Variants in MTUS1 observed in about 807,000 individuals in gnomAD.
The protein encoded by MTUS1 is microtubule-associated tumor suppressor 1.
Under a neutral mutation model 120.8 loss-of-function variants are expected in MTUS1, and 109 were observed. That is an observed-to-expected ratio of 0.90 (90% CI 0.77 to 1.06). The LOEUF is 1.06. MTUS1 is among the 50% of genes least tolerant of loss of function. The pLI is 0.00. For missense variants in MTUS1, 2,210 were observed against 1,486.3 expected, an observed-to-expected ratio of 1.49 and a Z score of -8.01; for synonymous variants, 737 against 550.5, an observed-to-expected ratio of 1.34 and a Z score of -4.74.
At chr8:17,714,968 C>T (rs190733432) in intron 5 of MTUS1, among the ~76,000 whole-genome samples, 400 of 132,320 alleles carry the variant, frequency 3.0e-3, no homozygotes, top group African/African-American at 0.011. Flanking sequence ...TGCAGTGGCG[C>T]GATCTCGGCT....
At chr8:17,762,150 G>A (rs1259293667) in intron 1 of MTUS1, among the ~76,000 whole-genome samples, 1 of 152,062 alleles carries the variant, frequency 6.6e-6, no homozygotes, top group African/African-American at 2.4e-5. Context: ...ATGGTGGCAG[G>A]TGCCTGTAAT....
rs151176141 is a variant in MTUS1, at chr8:17,709,233, A to C, written c.2623+3981T>G. ...GAATACACCTGATGGGGCATCAAGGATATTTGTTATTCATGTTATTCATGA... is the reference window on the plus strand; with the variant it reads ...GAATACACCTGATGGGGCATCAAGGCTATTTGTTATTCATGTTATTCATGA... On this transcript the variant is annotated intron_variant, in intron 6 of 14. Coordinates refer to ENST00000693296, the MANE Select transcript of MTUS1 (RefSeq NM_001363059.2). Among the ~76,000 whole-genome samples, 1,003 of 152,096 alleles carry C rather than the reference A, an allele frequency of 6.6e-3. 8 individuals are homozygous for C. Among genetic ancestry groups the C allele is most frequent in the South Asian group, 0.026 (126 of 4,810 alleles).
At position 17,755,176 on chromosome 8, in the gene MTUS1, G is replaced by T. The variant is rs1171454478; in HGVS notation, c.632C>A (p.Ser211Tyr). 6.8e-6 allele frequency: 11 copies of T among 1,614,038 alleles called. No individual in the cohort carries two copies. The highest frequency in any genetic ancestry group is 9.3e-6 in the Non-Finnish European group (11 of 1,180,038). ...TCTTGCATGCGTCTTATCAGAATGG[G>T]AAGATGTCCAAGTGGAATAGGATAA... ...SSLSYSTWTS[S>Y]HSDKTHARET... Residue 211 changes from serine (S) to tyrosine (Y), a missense_variant, in exon 2 of 15, where the codon TCC becomes TAC. Physicochemically the swap from Ser to Tyr is moderately radical, Grantham distance 144. Coordinates refer to ENST00000693296, the MANE Select transcript of MTUS1 (RefSeq NM_001363059.2).
chr8:17,660,630 C>G (rs1486297341), intron 8 of MTUS1, among the ~76,000 whole-genome samples: 1 of 152,152 alleles, frequency 6.6e-6, no homozygotes, highest in African/African-American at 2.4e-5. Context: ...AGTGGTTGAA[C>G]CATTCTACAT....
chr8:17,721,924 A>T, intron 4 of MTUS1: 1 of 1,603,950 alleles, frequency 6.2e-7, no homozygotes, highest in Non-Finnish European at 8.5e-7. Flanking sequence ...AAGCAAGCTT[A>T]AGCAGGAAAA....
At chr8:17,767,864 A>C (rs1231202603) in intron 1 of MTUS1, among the ~76,000 whole-genome samples, 1 of 152,146 alleles carries the variant, frequency 6.6e-6, no homozygotes, top group Admixed American at 6.6e-5. Flanking sequence ...GTTATGATGG[A>C]GACTGATGCT....
chr8:17,784,895 G>A (rs150686084), intron 1 of MTUS1, among the ~76,000 whole-genome samples: 1 of 151,606 alleles, frequency 6.6e-6, no homozygotes, highest in Non-Finnish European at 1.5e-5. Flanking sequence ...AGTGATTCTC[G>A]GGCCTCAGCT....
intron 3 of MTUS1, among the ~76,000 whole-genome samples, chr8:17,738,066 G>A (rs139384757): frequency 2.0e-5 from 3 of 152,266 alleles, no homozygotes; most frequent in East Asian, 3.9e-4. Flanking sequence ...TGCAAGTTTC[G>A]GACGGACTAC....
intron 6 of MTUS1, among the ~76,000 whole-genome samples, chr8:17,700,190 G>A (rs757781538): frequency 2.6e-5 from 4 of 151,982 alleles, no homozygotes; most frequent in South Asian, 2.1e-4. Flanking sequence ...GGCCGGGCGC[G>A]GTGGTGAGAT....
intron 8 of MTUS1, chr8:17,674,733 C>T (rs1002258278): frequency 1.0e-6 from 1 of 995,894 alleles, no homozygotes; most frequent in Non-Finnish European, 1.2e-6. Context: ...CTTTTTCAGC[C>T]AAGTTGCCTT....
chr8:17,778,287 C>G (rs10888144), intron 1 of MTUS1, among the ~76,000 whole-genome samples: 151,873 of 152,302 alleles, frequency 1, 75,724 homozygotes, highest in Middle Eastern at 1. Flanking sequence ...TCTCCATACT[C>G]TATAACTCCA....
At chr8:17,653,569 G>C in intron 10 of MTUS1, 71 bp from the exon 11 acceptor site, 1 of 1,085,372 alleles carries the variant, frequency 9.2e-7, no homozygotes, top group South Asian at 1.4e-5. Context: ...AACAGTTAAA[G>C]CATATAGATG....
At chr8:17,650,000 A>G in intron 12 of MTUS1, 38 bp from the exon 13 acceptor site, 2 of 1,030,190 alleles carry the variant, frequency 1.9e-6, no homozygotes, top group East Asian at 4.8e-5. Context: ...CTTATTCCAC[A>G]TAGTTCAAAT....
At chr8:17,790,002 C>A (rs1428666648) in intron 1 of MTUS1, among the ~76,000 whole-genome samples, 1 of 152,144 alleles carries the variant, frequency 6.6e-6, no homozygotes, top group Non-Finnish European at 1.5e-5. Flanking sequence ...CCACTAATTA[C>A]CTGCCGCTCA....
chr8:17,771,590 T>G (rs2050027493), intron 1 of MTUS1, among the ~76,000 whole-genome samples: 1 of 152,230 alleles, frequency 6.6e-6, no homozygotes, highest in African/African-American at 2.4e-5. Context: ...AATAAATGTC[T>G]TTCAAATTCC....
intron 1 of MTUS1, among the ~76,000 whole-genome samples, chr8:17,792,602 G>A (rs947903710): frequency 2.0e-5 from 3 of 152,218 alleles, no homozygotes; most frequent in Non-Finnish European, 4.4e-5. Flanking sequence ...GGTGGCTTAC[G>A]CCTGTAATCC....
intron 8 of MTUS1, among the ~76,000 whole-genome samples, chr8:17,663,495 A>G (rs1810219870): frequency 6.6e-6 from 1 of 152,240 alleles, no homozygotes; most frequent in Admixed American, 6.5e-5. Flanking sequence ...TCCTAATAGG[A>G]TAGAGCCAAA....
In MTUS1 at chr8:17,743,777, G is replaced by T; in HGVS notation, c.2114C>A (p.Thr705Asn). The T allele has an allele frequency of 6.2e-7, 1 of 1,613,908 alleles. No homozygotes were observed. Among genetic ancestry groups the T allele is most frequent in the Non-Finnish European group, 8.5e-7 (1 of 1,179,940 alleles). The change falls in exon 3 of 15, where the codon ACC becomes AAC. Residue 705 changes from threonine (T) to asparagine (N), a missense_variant. Physicochemically the swap from Thr to Asn is moderately conservative, Grantham distance 65 (BLOSUM62 0). Transcript: ENST00000693296. ...LFLGSASKTT[T>N]TSGRNISKPD... is the part of the protein sequence containing the mutation. ...CTTGGATATATTCCTACCTGAGGTG[G>T]TCGTTGTTTTTGAAGCAGAGCCCTG... is the stretch of plus-strand genomic sequence containing the variant.
intron 3 of MTUS1, among the ~76,000 whole-genome samples, chr8:17,726,313 T>G (rs1156337902): frequency 4.6e-5 from 7 of 152,178 alleles, no homozygotes; most frequent in Admixed American, 4.6e-4. Context: ...CAGGACACCC[T>G]TCTCTGAATG....
Sources: gnomAD v4.1 joint callset for allele counts (sites outside exome capture counted in the v4.1 genomes callset) on GRCh38, gnomAD v4.1.1 for gene constraint, MANE v1.5 for transcripts, NCBI Gene and HGNC (gene_info 2026-07-23, HGNC 2026-07-21) for gene names.